Variants in ARHGEF11 observed in about 807,000 individuals in gnomAD.
ARHGEF11 encodes the protein Rho guanine nucleotide exchange factor 11.
In ARHGEF11, 55 loss-of-function variants were observed where a neutral mutation model predicts 193.7. That is an observed-to-expected ratio of 0.28 (90% CI 0.23 to 0.36). ARHGEF11 has a LOEUF of 0.36. ARHGEF11 is among the 10% of genes least tolerant of loss of function. ARHGEF11 has a pLI of 1.00. For synonymous variants in ARHGEF11, 693 were observed against 768.0 expected (o/e 0.90, Z 1.62); for missense variants, 1,723 against 2,005.6 (o/e 0.86, Z 2.69).
Position 156,940,366 on chromosome 1 carries a change from G to C in ARHGEF11, c.3574C>G (p.Gln1192Glu), listed in dbSNP as rs771019976. 4 of 1,613,568 alleles carry C rather than the reference G, an allele frequency of 2.5e-6. No individual in the cohort carries two copies. ...KHQVLLEDPE[Q>E]EGSAEEEELG... is the part of the protein sequence containing the mutation. ...TCCTCTTCCTCTGCACTGCCCTCCT[G>C]CTCAGGGTCCTCTAGCAGGACCTGG... The change falls in exon 36 of 41, where the codon CAG (glutamine) becomes GAG (glutamate). Residue 1192 changes from glutamine to glutamate, a missense_variant. Coordinates refer to ENST00000368194, the MANE Select transcript of ARHGEF11 (RefSeq NM_198236.3).
intron 6 of ARHGEF11, 54 bp from the exon 7 acceptor site, chr1:156,977,108 G>T: frequency 1.4e-6 from 2 of 1,468,996 alleles, no homozygotes; most frequent in Non-Finnish European, 1.9e-6. Context: ...CAACAGCTTA[G>T]CTCTCTTCTA....
At chr1:157,040,399 T>C (rs1328170015) in intron 1 of ARHGEF11, among the ~76,000 whole-genome samples, 2 of 152,160 alleles carry the variant, frequency 1.3e-5, no homozygotes, top group Admixed American at 1.3e-4. Flanking sequence ...GAACAGTTGC[T>C]GGGTCTAGAT....
At position 156,948,736 on chromosome 1, in the gene ARHGEF11, C is replaced by T; in HGVS notation, c.1926-238G>A. The T allele has an allele frequency of 2.7e-6, 4 of 1,477,084 alleles. No individual in the cohort carries two copies. The South Asian group carries it at 5.1e-5, about 19-fold the overall frequency. 91.5% of individuals were successfully genotyped at this position (1,477,084 alleles called of 1,614,324 possible). On this transcript the variant is annotated intron_variant, in intron 22 of 40. Transcript: ENST00000368194. The surrounding 1 kb of genome is among the most constrained non-coding windows in gnomAD (Gnocchi z 4.2). Reference sequence around the variant, plus strand: ...AGCCTGATGGATGGACAGTCATCTTCCTCTGGAGCTATTAGGAAGGGATCC... The same window carrying T: ...AGCCTGATGGATGGACAGTCATCTTTCTCTGGAGCTATTAGGAAGGGATCC...
chr1:156,942,094 C>G (rs1387937710), intron 33 of ARHGEF11, 105 bp from the exon 34 acceptor site: 2 of 1,556,568 alleles, frequency 1.3e-6, no homozygotes, highest in Non-Finnish European at 1.7e-6. Flanking sequence ...CCTAAGAACC[C>G]TCTGCCTGGC....
intron 1 of ARHGEF11, among the ~76,000 whole-genome samples, chr1:156,999,324 G>A (rs955839036): frequency 1.3e-5 from 2 of 152,168 alleles, no homozygotes; most frequent in Non-Finnish European, 2.9e-5. Flanking sequence ...CAGGACACAA[G>A]TTCAAGTGTG....
chr1:156,947,755 G>C lies in ARHGEF11; in HGVS notation c.2341+14C>G. ...CGTGTGAGCGGAGCTGGGGGCAGTG[G>C]AGCACGTTCTCACCATTGATGACCT... is the stretch of plus-strand genomic sequence containing the variant. On this transcript the variant is annotated intron_variant, in intron 25 of 40. Transcript: ENST00000368194. 1 of 1,611,628 alleles carries C rather than the reference G, an allele frequency of 6.2e-7. No homozygotes were observed. The highest frequency in any genetic ancestry group is 8.5e-7 in the Non-Finnish European group (1 of 1,179,362).
intron 1 of ARHGEF11, among the ~76,000 whole-genome samples, chr1:157,029,016 A>G (rs1343169812): frequency 6.6e-6 from 1 of 151,848 alleles, no homozygotes; most frequent in Non-Finnish European, 1.5e-5. Flanking sequence ...AAATACAAAA[A>G]ACTAGCCAGG....
intron 1 of ARHGEF11, among the ~76,000 whole-genome samples, chr1:157,034,883 A>C (rs1325092284): frequency 6.6e-6 from 1 of 152,246 alleles, no homozygotes; most frequent in African/African-American, 2.4e-5. Flanking sequence ...GCTGAATAAT[A>C]TAAAGGTGTA....
At chr1:157,004,591 G>A (rs1667598086) in intron 1 of ARHGEF11, among the ~76,000 whole-genome samples, 1 of 152,156 alleles carries the variant, frequency 6.6e-6, no homozygotes, top group African/African-American at 2.4e-5. Context: ...CGAGAGAGAT[G>A]CAATGGGAAT....
rs181279924 is a variant in ARHGEF11, at chr1:156,935,105, G to C, written c.*895C>G. On this transcript the variant is annotated 3_prime_UTR_variant, in exon 41 of 41. Coordinates refer to ENST00000368194, the MANE Select transcript of ARHGEF11 (RefSeq NM_198236.3). The stretch of plus-strand genomic sequence containing the variant: ...GGTCCTGGGTGAATTCAGGGACTCG[G>C]CATTCAGACCCCTGTCCCCACCTCC... 6.6e-6 allele frequency: 1 copy of C among 152,540 alleles called. No individual in the cohort carries two copies. The highest frequency in any genetic ancestry group is 2.4e-5 in the African/African-American group (1 of 41,448). The allele number at this position is 152,540 out of a possible 1,614,324, so 9.4% of individuals were successfully genotyped here.
chr1:156,976,867 G>T, intron 7 of ARHGEF11, 116 bp downstream of exon 7: 2 of 907,020 alleles, frequency 2.2e-6, no homozygotes, highest in Non-Finnish European at 1.7e-6. Context: ...TATTTTTTGA[G>T]GTTTTACTGT....
At chr1:157,016,057 T>C (rs922441248) in intron 1 of ARHGEF11, among the ~76,000 whole-genome samples, 1 of 151,854 alleles carries the variant, frequency 6.6e-6, no homozygotes, top group African/African-American at 2.4e-5. Context: ...AAAAGAACAG[T>C]AGGAAAAACG....
At position 156,951,484 on chromosome 1, in the gene ARHGEF11, G is replaced by A. The variant is rs565645095; in HGVS notation, c.1925+89C>T. The A allele has an allele frequency of 2.5e-4, 390 of 1,546,008 alleles. 1 individual carries two copies. In the African/African-American group the frequency reaches 3.7e-3, roughly 15 times the overall value. On this transcript the variant is annotated intron_variant, in intron 22 of 40. Transcript: ENST00000368194. ...GGAGCCTTAGAAGCTAGTGGAGAGG[G>A]GTCAAGTAGCTGGAATTAAACCCTA...
At chr1:156,957,377 T>C (rs1383032944) in intron 18 of ARHGEF11, among the ~76,000 whole-genome samples, 1 of 152,128 alleles carries the variant, frequency 6.6e-6, no homozygotes, top group Non-Finnish European at 1.5e-5. Flanking sequence ...AAAGGAACTA[T>C]GCTGCACCCC....
At chr1:156,953,014 A>G (rs1659348372) in intron 21 of ARHGEF11, among the ~76,000 whole-genome samples, 1 of 152,248 alleles carries the variant, frequency 6.6e-6, no homozygotes, top group African/African-American at 2.4e-5. Context: ...GGCCACTTGG[A>G]AAATGCACAA....
intron 29 of ARHGEF11, chr1:156,945,604 C>T (rs1237958292): frequency 3.2e-5 from 8 of 247,968 alleles, no homozygotes; most frequent in Non-Finnish European, 7.8e-6. Flanking sequence ...CCCAGGATCC[C>T]AGGGAGAGTG....
At position 156,941,858 on chromosome 1, in the gene ARHGEF11, C is replaced by T. The variant is rs1270352644; in HGVS notation, c.3452+6G>A. On this transcript the variant is annotated splice_donor_region_variant and intron_variant, in intron 34 of 40. Transcript: ENST00000368194. The stretch of plus-strand genomic sequence containing the variant: ...AGTGCAGGGTCTGGAGGGCTAAGCA[C>T]TGCACCTGCTGGGTGTGGGGCCCTG... 4 of 1,605,978 alleles carry T rather than the reference C, an allele frequency of 2.5e-6. No individual in the cohort carries two copies. In the East Asian group the frequency reaches 8.9e-5, roughly 36 times the overall value.
chr1:157,017,826 A>T (rs575756218), intron 1 of ARHGEF11, among the ~76,000 whole-genome samples: 4 of 152,250 alleles, frequency 2.6e-5, no homozygotes, highest in African/African-American at 9.6e-5. Context: ...AGGTCTACCA[A>T]GAAGTTCTAA....
intron 3 of ARHGEF11, among the ~76,000 whole-genome samples, chr1:156,982,273 T>C (rs950593112): frequency 6.6e-6 from 1 of 152,062 alleles, no homozygotes; most frequent in Non-Finnish European, 1.5e-5. Context: ...TGAGAATCAC[T>C]GTGGGAATTT....
Sources: allele counts gnomAD v4.1 joint callset (sites outside exome capture counted in the v4.1 genomes callset), GRCh38; gene constraint gnomAD v4.1.1; non-coding constraint Gnocchi (gnomAD v3.1); transcripts MANE v1.5; gene names NCBI Gene and HGNC (gene_info 2026-07-23, HGNC 2026-07-21).